TAFA2: variants seen among roughly 807,000 people sequenced by gnomAD.
TAFA2 encodes chemokine-like protein TAFA-2.
A neutral mutation model predicts 18.8 loss-of-function variants in TAFA2; 7 were observed. The observed-to-expected ratio is 0.37, with a 90% CI of 0.21 to 0.70. The LOEUF (loss-of-function observed/expected upper bound fraction) is 0.70. Among genes scored for constraint, TAFA2 ranks in the 30% least tolerant of loss-of-function variants. TAFA2 has a pLI of 0.53. For missense variants in TAFA2, 122 were observed against 158.1 expected, an observed-to-expected ratio of 0.77 and a Z score of 1.23; for synonymous variants, 60 against 54.2, an observed-to-expected ratio of 1.11 and a Z score of -0.47.
At chr12:61,871,263 C>A (rs900511583) in intron 1 of TAFA2, among the ~76,000 whole-genome samples, 4 of 152,034 alleles carry the variant, frequency 2.6e-5, no homozygotes, top group South Asian at 2.1e-4. Context: ...GACAAAGGGG[C>A]AATACCAGAG....
rs150319822 is a variant in TAFA2, at chr12:61,832,362, C to G, written c.106+34958G>C. Among the ~76,000 whole-genome samples, 75 of 152,174 alleles carry G rather than the reference C, an allele frequency of 4.9e-4. No individual in the cohort carries two copies. The Middle Eastern group carries it at 0.014, about 28-fold the overall frequency. On this transcript the variant is annotated intron_variant, in intron 2 of 4. Coordinates refer to ENST00000416284, the MANE Select transcript of TAFA2 (RefSeq NM_178539.5). ...TGAACCCAAGCCAGAAGAGAAATCA[C>G]TTGCAGGTGCCCTGGTCCATACTCC...
At chr12:61,988,231 A>C (rs1165945217) in intron 1 of TAFA2, among the ~76,000 whole-genome samples, 1 of 152,102 alleles carries the variant, frequency 6.6e-6, no homozygotes, top group Non-Finnish European at 1.5e-5. Flanking sequence ...TCCTTTTCCC[A>C]TGTAATATAT....
At chr12:62,123,184 C>G (rs1160871216) in intron 1 of TAFA2, among the ~76,000 whole-genome samples, 1 of 152,126 alleles carries the variant, frequency 6.6e-6, no homozygotes, top group Non-Finnish European at 1.5e-5. Context: ...AGCTTTTATT[C>G]CCTCTCTCAA....
chr12:61,818,999 C>T (rs576292378), intron 2 of TAFA2, among the ~76,000 whole-genome samples: 152 of 152,240 alleles, frequency 1.0e-3, no homozygotes, highest in African/African-American at 3.3e-3. Flanking sequence ...TACCTCTAGA[C>T]CCGATCATGA....
chr12:61,990,026 G>A (rs1243791196), intron 1 of TAFA2, among the ~76,000 whole-genome samples: 1 of 152,038 alleles, frequency 6.6e-6, no homozygotes, highest in East Asian at 1.9e-4. Context: ...TGCTACCTGT[G>A]GCATCACTAC....
intron 4 of TAFA2, among the ~76,000 whole-genome samples, chr12:61,741,325 A>ATG (rs926838134): frequency 6.6e-6 from 1 of 151,436 alleles, no homozygotes; most frequent in Non-Finnish European, 1.5e-5. Context: ...TCTCTCTTGC[A>ATG]TGTGTGTGTA....
intron 2 of TAFA2, among the ~76,000 whole-genome samples, chr12:61,825,260 C>T (rs1281913098): frequency 1.3e-5 from 2 of 152,002 alleles, no homozygotes; most frequent in African/African-American, 4.8e-5. Flanking sequence ...AATGAAGACA[C>T]TGCGGATGTG....
chr12:62,032,070 A>C (rs1008335355), intron 1 of TAFA2, among the ~76,000 whole-genome samples: 21 of 152,230 alleles, frequency 1.4e-4, no homozygotes, highest in African/African-American at 5.1e-4. Flanking sequence ...AATTTGGCTG[A>C]AAAGTGCACT....
intron 1 of TAFA2, among the ~76,000 whole-genome samples, chr12:61,982,515 C>T (rs1427048944): frequency 1.3e-5 from 2 of 152,066 alleles, no homozygotes; most frequent in South Asian, 2.1e-4. Context: ...TTTTTTAACT[C>T]ATACCATGTT....
rs1592400719 is a variant in TAFA2, at chr12:62,207,020, A to C, written c.-130+51743T>G. On this transcript the variant is annotated intron_variant, in intron 1 of 5. Coordinates refer to the TAFA2 transcript ENST00000551619. ...TCCTCTGCCTAGTTAGCTCCAACTC[A>C]TTTGTTAAGGCTCAGGACAAGAGTT... 5 of 152,320 alleles carry C rather than the reference A, an allele frequency of 3.3e-5. 1 individual carries two copies. The highest frequency in any genetic ancestry group is 3.3e-4 in the Admixed American group (5 of 15,288). The allele number at this position is 152,320 out of a possible 1,614,324, so 9.4% of individuals were successfully genotyped here. A position where few individuals can be genotyped will look rare whatever the true frequency, so the allele number is the denominator to read the frequency against.
chr12:61,824,223 T>C (rs534879712), intron 2 of TAFA2, among the ~76,000 whole-genome samples: 1 of 152,124 alleles, frequency 6.6e-6, no homozygotes, highest in Non-Finnish European at 1.5e-5. Context: ...AACAAATTCT[T>C]ACCCAGTTGA....
chr12:62,049,737 C>G (rs556129099), intron 1 of TAFA2, among the ~76,000 whole-genome samples: 1 of 152,098 alleles, frequency 6.6e-6, no homozygotes, highest in Admixed American at 6.5e-5. Context: ...TATGAAGTCA[C>G]CTTATATATA....
chr12:61,817,787 G>T (rs940066421), intron 2 of TAFA2, among the ~76,000 whole-genome samples: 1 of 152,094 alleles, frequency 6.6e-6, no homozygotes, highest in Admixed American at 6.6e-5. Flanking sequence ...ACATAAATCA[G>T]CTACCTCAAA....
At chr12:61,716,605 T>C (rs1869671914) in intron 4 of TAFA2, among the ~76,000 whole-genome samples, 1 of 152,212 alleles carries the variant, frequency 6.6e-6, no homozygotes, top group Admixed American at 6.5e-5. Context: ...TTCTCCAATA[T>C]GTTCATTAAA....
chr12:61,763,569 G>C (rs1279120521), intron 2 of TAFA2, among the ~76,000 whole-genome samples: 1 of 151,814 alleles, frequency 6.6e-6, no homozygotes, highest in Admixed American at 6.6e-5. Context: ...ACTTCTGCTT[G>C]TAAGGCCTGT....
chr12:61,839,958 T>C (rs918605174), intron 2 of TAFA2, among the ~76,000 whole-genome samples: 1 of 151,806 alleles, frequency 6.6e-6, no homozygotes, highest in Non-Finnish European at 1.5e-5. Flanking sequence ...GACATAGACA[T>C]GAGGAAAAGA....
intron 1 of TAFA2, among the ~76,000 whole-genome samples, chr12:62,062,924 G>A (rs1042026509): frequency 1.8e-4 from 28 of 152,018 alleles, no homozygotes; most frequent in African/African-American, 6.8e-4. Context: ...AACAGCGGAT[G>A]GAGTCCATGT....
At chr12:61,943,338 G>A (rs1378781931) in intron 1 of TAFA2, among the ~76,000 whole-genome samples, 35 of 149,654 alleles carry the variant, frequency 2.3e-4, no homozygotes, top group East Asian at 9.9e-4. Flanking sequence ...GGTACCAGCC[G>A]CTGCAAAATC....
At chr12:62,184,662 AT>A (rs1306823003) in intron 1 of TAFA2, among the ~76,000 whole-genome samples, 269 of 142,670 alleles carry the variant, frequency 1.9e-3, no homozygotes, top group Middle Eastern at 3.6e-3. Flanking sequence ...TGCCTGGCTA[AT>A]TTTTTTTTTT....
Sources: allele counts gnomAD v4.1 joint callset (sites outside exome capture counted in the v4.1 genomes callset), GRCh38; gene constraint gnomAD v4.1.1; transcripts MANE v1.5; gene names NCBI Gene and HGNC (gene_info 2026-07-23, HGNC 2026-07-21).